The following UBE4B variants were observed in gnomAD, a reference collection of about 807,000 sequenced individuals.
UBE4B encodes ubiquitination factor E4B, also known as ubiquitin conjugation factor E4 B.
A neutral mutation model predicts 148.1 loss-of-function variants in UBE4B; 27 were observed. That is an observed-to-expected ratio of 0.18 (90% confidence interval 0.13 to 0.25). The LOEUF (loss-of-function observed/expected upper bound fraction) is 0.25. Ranked by LOEUF, UBE4B falls within the 10% of genes least tolerant of loss-of-function variation. The pLI is 1.00. For missense variants in UBE4B, 1,170 were observed against 1,662.4 expected, an observed-to-expected ratio of 0.70 and a Z score of 5.15; for synonymous variants, 596 against 619.3, an observed-to-expected ratio of 0.96 and a Z score of 0.56.
chr1:10,151,582 G>A (rs1645976071), intron 21 of UBE4B, 21 bp downstream of exon 21: 1 of 1,603,430 alleles, frequency 6.2e-7, no homozygotes, highest in African/African-American at 1.3e-5. Context: ...GGAACACAGT[G>A]TAGCACATGG....
intron 1 of UBE4B, among the ~76,000 whole-genome samples, chr1:10,070,713 A>G (rs947678091): frequency 1.5e-4 from 23 of 152,316 alleles, no homozygotes; most frequent in African/African-American, 4.6e-4. Context: ...CACATTTTGA[A>G]TGAATGGATT....
chr1:10,034,338 G>A (rs990500303), intron 1 of UBE4B, among the ~76,000 whole-genome samples: 1 of 152,218 alleles, frequency 6.6e-6, no homozygotes, highest in East Asian at 1.9e-4. Flanking sequence ...TCAAACTTGT[G>A]TTTTGCTGTA....
chr1:10,085,034 A>T (rs914607078), intron 2 of UBE4B, among the ~76,000 whole-genome samples: 3 of 152,112 alleles, frequency 2.0e-5, no homozygotes, highest in Non-Finnish European at 4.4e-5. Flanking sequence ...AATCCAAGGG[A>T]AGTAAGTTTA....
At chr1:10,117,308 A>G in intron 7 of UBE4B, 151 bp from the exon 8 acceptor site, 1 of 938,070 alleles carries the variant, frequency 1.1e-6, no homozygotes, top group Non-Finnish European at 1.6e-6. Context: ...GAGCAGGTGA[A>G]ACAAGCAGTC....
At position 10,127,202 on chromosome 1, in the gene UBE4B, TA is replaced by T. The variant is rs35655615; in HGVS notation, c.1638+337del. 5.6e-3 allele frequency among the ~76,000 whole-genome samples: 803 copies of T among 144,288 alleles called. 9 individuals are homozygous for T. The highest frequency in any genetic ancestry group is 0.018 in the African/African-American group (693 of 39,568). The allele number at this position is 144,288 out of a possible 152,430, so 94.7% of individuals were successfully genotyped here. ...ATAGTTGGGATGAAATTTTGTTACT[TA>T]AAAAAAAAAAACCTATTAAAAATGC... On this transcript the variant is annotated intron_variant, in intron 11 of 27. Transcript: ENST00000343090.
chr1:10,149,293 T>G lies in UBE4B; in HGVS notation c.2690+11T>G. On this transcript the variant is annotated intron_variant, in intron 20 of 27. Transcript: ENST00000343090. ...ATTTTTTATTGTACAGTAAGTGCCT[T>G]TAATATTTTACATAGTTCTAATATG... 1.3e-6 allele frequency: 2 copies of G among 1,572,374 alleles called. No homozygotes were observed. The highest frequency in any genetic ancestry group is 1.7e-6 in the Non-Finnish European group (2 of 1,155,318).
chr1:10,176,400 C>G (rs983175585), intron 25 of UBE4B, among the ~76,000 whole-genome samples: 3 of 152,118 alleles, frequency 2.0e-5, no homozygotes, highest in Non-Finnish European at 4.4e-5. Context: ...CCATGTTTAA[C>G]TTTTTGAGGG....
intron 1 of UBE4B, among the ~76,000 whole-genome samples, chr1:10,043,119 C>T (rs1198135528): frequency 6.6e-6 from 1 of 151,648 alleles, no homozygotes; most frequent in Admixed American, 6.6e-5. Context: ...AAGCAATTCT[C>T]CTGTCTCAGC....
chr1:10,086,690 CCT>C (rs1026082066), intron 2 of UBE4B, among the ~76,000 whole-genome samples: 1 of 151,706 alleles, frequency 6.6e-6, no homozygotes, highest in Non-Finnish European at 1.5e-5. Flanking sequence ...GATAAGGTTC[CCT>C]CTCTCTTTTC....
In UBE4B at chr1:10,111,245, C is replaced by A. The variant is rs774420830; in HGVS notation, c.1196+4662C>A. On this transcript the variant is annotated intron_variant, in intron 7 of 27. Coordinates refer to ENST00000343090, the MANE Select transcript of UBE4B (RefSeq NM_001105562.3). Reference sequence around the variant, plus strand: ...ACACACACCACGCGCTACACACACACCCCCACACCAAGCATACATGCACAT... The same window carrying A: ...ACACACACCACGCGCTACACACACAACCCCACACCAAGCATACATGCACAT... Among the ~76,000 whole-genome samples the A allele has an allele frequency of 9.7e-4, 147 of 152,064 alleles. 3 individuals carry two copies. Among genetic ancestry groups the A allele is most frequent in the Non-Finnish European group, 3.2e-4 (22 of 68,006 alleles).
At position 10,130,762 on chromosome 1, in the gene UBE4B, A is replaced by G. The variant is rs983992618; in HGVS notation, c.1860A>G (p.Glu620=). The change falls in exon 14 of 28, where the codon GAA becomes GAG. Residue 620 remains glutamate, a synonymous_variant. Coordinates refer to ENST00000343090, the MANE Select transcript of UBE4B (RefSeq NM_001105562.3). ...TCTCAGGGCCTGCCATTACCCTGGA[A>G]AACACTCGTGTGGTTAGCCAATCAT... The part of the protein sequence containing the change: ...KYFSGPAITL[E]NTRVVSQSLQ... 1 of 1,614,194 alleles carries G rather than the reference A, an allele frequency of 6.2e-7. No individual in the cohort carries two copies. Among genetic ancestry groups the G allele is most frequent in the Non-Finnish European group, 8.5e-7 (1 of 1,180,028 alleles).
rs1404472043 is a variant in UBE4B, at chr1:10,121,950, A to T, written c.1440-12A>T. 6.3e-7 allele frequency: 1 copy of T among 1,593,224 alleles called. No homozygotes were observed. The highest frequency in any genetic ancestry group is 1.3e-5 in the African/African-American group (1 of 74,268). On this transcript the variant is annotated splice_polypyrimidine_tract_variant and intron_variant, in intron 9 of 27. Transcript: ENST00000343090. ...GACTTCATCACCGTCCCTAATGTTC[A>T]TGGGTCCACAGGTCCTTGCAGCAGC...
chr1:10,072,246 T>C, intron 2 of UBE4B, 32 bp downstream of exon 2: 1 of 1,592,916 alleles, frequency 6.3e-7, no homozygotes, highest in Non-Finnish European at 8.5e-7. Context: ...GGGACTCTTT[T>C]GTAATTCTTC....
At chr1:10,135,227 C>G in intron 16 of UBE4B, 41 bp downstream of exon 16, 1 of 1,561,362 alleles carries the variant, frequency 6.4e-7, no homozygotes, top group African/African-American at 1.4e-5. Flanking sequence ...AAACACTGCC[C>G]TCTTGTCTGT....
At chr1:10,047,566 C>T (rs541062282) in intron 1 of UBE4B, among the ~76,000 whole-genome samples, 54 of 147,610 alleles carry the variant, frequency 3.7e-4, no homozygotes, top group African/African-American at 1.4e-3. Flanking sequence ...GATCTCGGCT[C>T]ACCGCAAGCT....
At chr1:10,179,323 T>C in intron 26 of UBE4B, 93 bp from the exon 27 acceptor site, 2 of 1,519,974 alleles carry the variant, frequency 1.3e-6, no homozygotes, top group South Asian at 2.4e-5. Context: ...GCTGTTCCTT[T>C]GGATAGATTT....
intron 7 of UBE4B, chr1:10,107,379 CAG>C (rs1053462695): frequency 1.8e-5 from 23 of 1,286,880 alleles, no homozygotes; most frequent in Non-Finnish European, 2.1e-5. Context: ...GTCCAGGTAT[CAG>C]AGGAATGGAG....
At chr1:10,135,269 C>A in intron 16 of UBE4B, 83 bp downstream of exon 16, 1 of 1,333,340 alleles carries the variant, frequency 7.5e-7, no homozygotes, top group Non-Finnish European at 1.0e-6. Flanking sequence ...TTGTTACCAC[C>A]TCACCATAAA....
chr1:10,175,475 C>A (rs971725733), intron 25 of UBE4B, among the ~76,000 whole-genome samples: 1 of 148,416 alleles, frequency 6.7e-6, no homozygotes, highest in South Asian at 2.1e-4. Flanking sequence ...CACGGTGAAA[C>A]CCCATCTCTA....
Sources: gnomAD v4.1 joint callset for allele counts (sites outside exome capture counted in the v4.1 genomes callset) on GRCh38, gnomAD v4.1.1 for gene constraint, MANE v1.5 for transcripts, NCBI Gene and HGNC (gene_info 2026-07-23, HGNC 2026-07-21) for gene names.